Variants in ITGA9 observed in about 807,000 individuals in gnomAD.
ITGA9 encodes integrin alpha-9.
Under a neutral mutation model 127.8 loss-of-function variants are expected in ITGA9, and 56 were observed. The observed-to-expected ratio is 0.44, with a 90% confidence interval of 0.35 to 0.55. The LOEUF is 0.55. Among genes scored for constraint, ITGA9 ranks in the 20% least tolerant of loss-of-function variants. The pLI is 0.00. For synonymous variants in ITGA9, 508 were observed against 514.5 expected (o/e 0.99, Z 0.17); for missense variants, 1,196 against 1,347.1 (o/e 0.89, Z 1.76).
chr3:37,668,486 G>A (rs1431099946), intron 17 of ITGA9, among the ~76,000 whole-genome samples: 3 of 152,168 alleles, frequency 2.0e-5, no homozygotes, highest in African/African-American at 7.2e-5. Context: ...ATGTAGCCCC[G>A]AATCCCTCCC....
intron 26 of ITGA9, among the ~76,000 whole-genome samples, chr3:37,796,049 C>T (rs1697168614): frequency 6.6e-6 from 1 of 152,186 alleles, no homozygotes; most frequent in Non-Finnish European, 1.5e-5. Context: ...TCATGAACAT[C>T]TTCCCGCTGC....
chr3:37,738,714 G>A (rs575097136), intron 20 of ITGA9, among the ~76,000 whole-genome samples: 1 of 152,336 alleles, frequency 6.6e-6, no homozygotes, highest in Admixed American at 6.5e-5. Context: ...CCATCAATGT[G>A]CTCTCTTGGT....
rs577725465 is a variant in ITGA9 at position 37,719,553 on chromosome 3, C to T, written c.2068-13159C>T. ...GATGCTGTCAACACCCTCCATGTCC[C>T]CTCCACCCACCCTGGAGGCCGCCTA... On this transcript the variant is annotated intron_variant, in intron 18 of 27. Transcript: ENST00000264741. Among the ~76,000 whole-genome samples, 230 of 152,260 alleles carry T rather than the reference C, an allele frequency of 1.5e-3. 1 individual carries two copies. The highest frequency in any genetic ancestry group is 6.8e-3 in the Middle Eastern group (2 of 294).
chr3:37,726,261 A>G (rs768346430), intron 18 of ITGA9, among the ~76,000 whole-genome samples: 1 of 152,226 alleles, frequency 6.6e-6, no homozygotes, highest in Non-Finnish European at 1.5e-5. Context: ...GAAGAAGGAA[A>G]GGGTCTTAGA....
chr3:37,571,514 G>A (rs1040663732), intron 15 of ITGA9, among the ~76,000 whole-genome samples: 5 of 152,176 alleles, frequency 3.3e-5, no homozygotes, highest in Non-Finnish European at 4.4e-5. Flanking sequence ...GCTTTCATTT[G>A]AGACCAGTGG....
chr3:37,708,113 T>C (rs1477706158), intron 18 of ITGA9, among the ~76,000 whole-genome samples: 1 of 152,254 alleles, frequency 6.6e-6, no homozygotes, highest in African/African-American at 2.4e-5. Flanking sequence ...TTTTCAGTTC[T>C]GGGCCAGGCT....
At chr3:37,586,054 G>C (rs1458328406) in intron 15 of ITGA9, among the ~76,000 whole-genome samples, 1 of 152,158 alleles carries the variant, frequency 6.6e-6, no homozygotes, top group African/African-American at 2.4e-5. Context: ...GCAGACAAGA[G>C]CATGTCACAT....
At chr3:37,608,563 C>A (rs1370655664) in intron 15 of ITGA9, among the ~76,000 whole-genome samples, 1 of 152,122 alleles carries the variant, frequency 6.6e-6, no homozygotes, top group Non-Finnish European at 1.5e-5. Context: ...TGTCCTTGGG[C>A]CCCAGATAGT....
chr3:37,501,197 G>A (rs886113431), intron 5 of ITGA9, among the ~76,000 whole-genome samples: 1 of 152,034 alleles, frequency 6.6e-6, no homozygotes, highest in African/African-American at 2.4e-5. Flanking sequence ...AGAAAATAAA[G>A]GTAATCCAAA....
intron 13 of ITGA9, among the ~76,000 whole-genome samples, chr3:37,526,439 C>T (rs962673538): frequency 2.6e-5 from 4 of 152,190 alleles, no homozygotes; most frequent in African/African-American, 4.8e-5. Context: ...TAATTTCCTG[C>T]GGGTGCTGGG....
chr3:37,599,942 G>A lies in ITGA9; in HGVS notation c.1690-29245G>A, dbSNP rs146144181. On this transcript the variant is annotated intron_variant, in intron 15 of 27. Transcript: ENST00000264741. Reference sequence around the variant, plus strand: ...CATCACCTCTGTAATGGTATAATATGAACTCAGGAGTTGAGATTCGTAAAG... The same window carrying A: ...CATCACCTCTGTAATGGTATAATATAAACTCAGGAGTTGAGATTCGTAAAG... Among the ~76,000 whole-genome samples the A allele has an allele frequency of 4.4e-3, 669 of 152,288 alleles. 5 individuals carry two copies. The highest frequency in any genetic ancestry group is 0.013 in the African/African-American group (556 of 41,552).
rs1409562536 is a variant in ITGA9, at chr3:37,636,009, A to C, written c.1839+6673A>C. Reference sequence around the variant, plus strand: ...GTATTCCATGGTGTATATGTGCCACATTTTCTTAATCCAGTCTATCGTTGT... The same window carrying C: ...GTATTCCATGGTGTATATGTGCCACCTTTTCTTAATCCAGTCTATCGTTGT... On this transcript the variant is annotated intron_variant, in intron 16 of 27. Coordinates refer to ENST00000264741, the MANE Select transcript of ITGA9 (RefSeq NM_002207.3). Among the ~76,000 whole-genome samples, 416 of 150,482 alleles carry C rather than the reference A, an allele frequency of 2.8e-3. 6 individuals are homozygous for C. The highest frequency in any genetic ancestry group is 9.7e-3 in the African/African-American group (390 of 40,058).
intron 15 of ITGA9, among the ~76,000 whole-genome samples, chr3:37,573,812 C>T (rs1575154753): frequency 1.3e-5 from 2 of 152,280 alleles, no homozygotes; most frequent in African/African-American, 4.8e-5. Flanking sequence ...GCTTAGGTCA[C>T]TGTGGACACA....
intron 1 of ITGA9, among the ~76,000 whole-genome samples, chr3:37,468,857 A>G (rs1485279070): frequency 6.6e-6 from 1 of 152,162 alleles, no homozygotes; most frequent in Non-Finnish European, 1.5e-5. Context: ...GCTGCTGGAG[A>G]TAAGGAACAA....
chr3:37,508,305 T>G (rs1698865963), intron 7 of ITGA9, among the ~76,000 whole-genome samples: 1 of 152,258 alleles, frequency 6.6e-6, no homozygotes, highest in Non-Finnish European at 1.5e-5. Flanking sequence ...TTCTTGGGTC[T>G]TATTGTGTGT....
At chr3:37,720,214 C>T (rs11717875) in intron 18 of ITGA9, among the ~76,000 whole-genome samples, 72,927 of 152,064 alleles carry the variant, frequency 0.48, 17,851 homozygotes, top group South Asian at 0.7. Context: ...AGGGGGTTTG[C>T]AGGTGAGAAG....
chr3:37,566,413 T>C (rs1057395657), intron 15 of ITGA9, among the ~76,000 whole-genome samples: 18 of 152,234 alleles, frequency 1.2e-4, no homozygotes, highest in Middle Eastern at 3.2e-3. Flanking sequence ...GGAACTACTC[T>C]ATGGAAAGAT....
chr3:37,474,656 G>C (rs1698473662), intron 3 of ITGA9, among the ~76,000 whole-genome samples: 1 of 152,178 alleles, frequency 6.6e-6, no homozygotes, highest in African/African-American at 2.4e-5. Context: ...TTCTGACATA[G>C]GCTTTCTCTT....
chr3:37,529,160 A>G (rs1699124248), intron 13 of ITGA9, among the ~76,000 whole-genome samples: 1 of 152,250 alleles, frequency 6.6e-6, no homozygotes, highest in African/African-American at 2.4e-5. Flanking sequence ...TTGACAGAAC[A>G]CATGACAACT....
Sources: gnomAD v4.1 joint callset for allele counts (sites outside exome capture counted in the v4.1 genomes callset) on GRCh38, gnomAD v4.1.1 for gene constraint, MANE v1.5 for transcripts, NCBI Gene and HGNC (gene_info 2026-07-23, HGNC 2026-07-21) for gene names.